XRCC4: variants seen among roughly 807,000 people sequenced by gnomAD.
The protein encoded by XRCC4 is X-ray repair cross complementing 4.
A neutral mutation model predicts 39.1 loss-of-function variants in XRCC4; 28 were observed. The ratio of observed to expected loss-of-function variants is 0.72; its 90% CI spans 0.53 to 0.98. XRCC4 has a LOEUF of 0.98. XRCC4 is among the 50% of genes least tolerant of loss of function. The pLI, the probability that XRCC4 is intolerant of heterozygous loss-of-function variation, is 0.00. For synonymous variants in XRCC4, 123 were observed against 126.4 expected, an observed-to-expected ratio of 0.97 and a Z score of 0.18; for missense variants, 350 against 376.4, an observed-to-expected ratio of 0.93 and a Z score of 0.58.
intron 6 of XRCC4, among the ~76,000 whole-genome samples, chr5:83,231,560 A>G (rs1248210805): frequency 6.6e-6 from 1 of 152,138 alleles, no homozygotes; most frequent in Non-Finnish European, 1.5e-5. Context: ...TTTAAATACC[A>G]TTAGTAAAAT....
the XRCC4 span, among the ~76,000 whole-genome samples, chr5:83,361,051 T>C: frequency 6.6e-6 from 1 of 152,150 alleles, no homozygotes; most frequent in Non-Finnish European, 1.5e-5. Context: ...CAAGCCAAGT[T>C]TCTACCATGC....
chr5:83,360,786 G>C, the XRCC4 span, among the ~76,000 whole-genome samples: 7 of 151,622 alleles, frequency 4.6e-5, no homozygotes, highest in Admixed American at 4.0e-4. Context: ...GCCCAGTCTA[G>C]ATAAGCTGAA....
intron 7 of XRCC4, among the ~76,000 whole-genome samples, chr5:83,344,415 CTTTTTTTTTT>C (rs70973394): frequency 8.7e-6 from 1 of 115,238 alleles, no homozygotes; most frequent in South Asian, 2.6e-4. Flanking sequence ...TTATTTTTCA[CTTTTTTTTTT>C]TTTTTTTTTT....
chr5:83,179,597 A>G (rs1490088642), intron 3 of XRCC4, among the ~76,000 whole-genome samples: 1 of 152,156 alleles, frequency 6.6e-6, no homozygotes, highest in Non-Finnish European at 1.5e-5. Flanking sequence ...CTCATGGCCA[A>G]AAAAATGTCT....
At chr5:83,084,599 T>C (rs538402488) in intron 1 of XRCC4, among the ~76,000 whole-genome samples, 5 of 152,228 alleles carry the variant, frequency 3.3e-5, no homozygotes, top group African/African-American at 4.8e-5. Context: ...TTGTGTACCA[T>C]TGGGAAATCC....
chr5:83,370,326 T>C, the XRCC4 span, among the ~76,000 whole-genome samples: 4 of 152,166 alleles, frequency 2.6e-5, no homozygotes, highest in Admixed American at 2.0e-4. Context: ...CTGTCTGTCA[T>C]AGGAAGTGTC....
At chr5:83,162,936 T>TTTTCTTTC (rs1554060093) in intron 3 of XRCC4, among the ~76,000 whole-genome samples, 8 of 134,520 alleles carry the variant, frequency 5.9e-5, no homozygotes, top group East Asian at 4.0e-4. Flanking sequence ...TTTTTTTTCT[T>TTTTCTTTC]TTTCTTTCTT....
chr5:83,299,227 CAA>C (rs1755192354), intron 7 of XRCC4, among the ~76,000 whole-genome samples: 1 of 152,076 alleles, frequency 6.6e-6, no homozygotes, highest in South Asian at 2.1e-4. Flanking sequence ...TTTCAGCATT[CAA>C]AGATTTAATT....
chr5:83,170,629 C>G (rs538650427), intron 3 of XRCC4, among the ~76,000 whole-genome samples: 1 of 152,292 alleles, frequency 6.6e-6, no homozygotes, highest in African/African-American at 2.4e-5. Flanking sequence ...ATATTCAAAG[C>G]CAGCAACAGA....
chr5:83,369,355 T>C, the XRCC4 span, among the ~76,000 whole-genome samples: 1 of 152,154 alleles, frequency 6.6e-6, no homozygotes, highest in Non-Finnish European at 1.5e-5. Flanking sequence ...CACCCTGGTA[T>C]TGAGCATAAT....
chr5:83,103,316 G>T (rs1486927140), intron 1 of XRCC4, among the ~76,000 whole-genome samples: 1 of 151,952 alleles, frequency 6.6e-6, no homozygotes, highest in African/African-American at 2.4e-5. Flanking sequence ...GGTGATCTTA[G>T]ATCTGACTCC....
intron 3 of XRCC4, among the ~76,000 whole-genome samples, chr5:83,142,278 C>A (rs1373684707): frequency 1.3e-5 from 2 of 151,840 alleles, no homozygotes; most frequent in Admixed American, 6.6e-5. Flanking sequence ...GTCCTGTTAC[C>A]ATTTCAGTGT....
At chr5:83,302,151 C>A (rs185131588) in intron 7 of XRCC4, among the ~76,000 whole-genome samples, 1 of 151,836 alleles carries the variant, frequency 6.6e-6, no homozygotes, top group Admixed American at 6.6e-5. Context: ...GGGTTCCGTG[C>A]GGGTGGGATC....
At chr5:83,139,598 A>C (rs977381693) in intron 3 of XRCC4, among the ~76,000 whole-genome samples, 2 of 152,208 alleles carry the variant, frequency 1.3e-5, no homozygotes, top group African/African-American at 4.8e-5. Flanking sequence ...AATCTTCGTT[A>C]GGTGATTTCT....
intron 7 of XRCC4, among the ~76,000 whole-genome samples, chr5:83,263,440 A>T (rs1258404057): frequency 6.6e-6 from 1 of 150,718 alleles, no homozygotes; most frequent in Non-Finnish European, 1.5e-5. Flanking sequence ...ACAATGGTTG[A>T]ACTAGTTTAC....
chr5:83,306,161 C>T (rs1003887193), intron 7 of XRCC4, among the ~76,000 whole-genome samples: 6 of 151,966 alleles, frequency 3.9e-5, no homozygotes, highest in African/African-American at 1.5e-4. Flanking sequence ...ATGTGGTCCT[C>T]ATCAAGTAGT....
At chr5:83,129,378 G>T (rs898811181) in intron 3 of XRCC4, among the ~76,000 whole-genome samples, 11 of 151,894 alleles carry the variant, frequency 7.2e-5, no homozygotes, top group African/African-American at 2.7e-4. Flanking sequence ...GGTTACTGTA[G>T]CCTTGTAGTA....
intron 7 of XRCC4, among the ~76,000 whole-genome samples, chr5:83,263,921 A>G (rs1181033144): frequency 1.3e-5 from 2 of 151,898 alleles, no homozygotes; most frequent in East Asian, 1.9e-4. Context: ...GTCCTTGCCC[A>G]TGCCTATGTC....
chr5:83,166,728 C>T (rs1039843152), intron 3 of XRCC4, among the ~76,000 whole-genome samples: 4 of 151,186 alleles, frequency 2.6e-5, no homozygotes, highest in East Asian at 2.0e-4. Flanking sequence ...CTGCCTGCCT[C>T]GGCCTGCCAA....
Sources: allele counts gnomAD v4.1 joint callset (sites outside exome capture counted in the v4.1 genomes callset), GRCh38; gene constraint gnomAD v4.1.1; transcripts MANE v1.5; gene names NCBI Gene and HGNC (gene_info 2026-07-23, HGNC 2026-07-21).